Variants in C12orf54 observed in about 807,000 individuals in gnomAD.
The protein encoded by C12orf54 is chromosome 12 open reading frame 54.
A neutral mutation model predicts 26.4 loss-of-function variants in C12orf54; 24 were observed. The observed-to-expected ratio is 0.91, with a 90% confidence interval of 0.66 to 1.28. C12orf54 has a LOEUF of 1.28. C12orf54 is among the 50% of genes most tolerant of loss of function. The pLI is 0.00. For synonymous variants in C12orf54, 54 were observed against 47.0 expected, an observed-to-expected ratio of 1.15 and a Z score of -0.61; for missense variants, 154 against 150.9, an observed-to-expected ratio of 1.02 and a Z score of -0.11.
At chr12:48,449,487 C>G in the C12orf54 span, among the ~76,000 whole-genome samples, 1 of 152,076 alleles carries the variant, frequency 6.6e-6, no homozygotes, top group East Asian at 1.9e-4. Flanking sequence ...GTTTGTAGGC[C>G]ATGACTCCCC....
the C12orf54 span, among the ~76,000 whole-genome samples, chr12:48,457,548 G>A: frequency 6.6e-6 from 1 of 152,034 alleles, no homozygotes; most frequent in Non-Finnish European, 1.5e-5. Context: ...TGGTCAGGCT[G>A]GTCTCGAACT....
At chr12:48,480,844 C>T (rs1479122022), upstream of C12orf54, among the ~76,000 whole-genome samples, 1 of 152,092 alleles carries the variant, frequency 6.6e-6, no homozygotes, top group South Asian at 2.1e-4. Flanking sequence ...AAGTGTGGTA[C>T]ATTTCTCTTC....
At chr12:48,436,435 C>T in the C12orf54 span, among the ~76,000 whole-genome samples, 11 of 152,288 alleles carry the variant, frequency 7.2e-5, no homozygotes, top group African/African-American at 2.6e-4. Flanking sequence ...GAACTCTCCA[C>T]CCCAAATCAA....
chr12:48,471,071 TA>T, the C12orf54 span, among the ~76,000 whole-genome samples: 1 of 152,166 alleles, frequency 6.6e-6, no homozygotes, highest in Non-Finnish European at 1.5e-5. Flanking sequence ...TCATTCTTTT[TA>T]TTTTTTTGTA....
chr12:48,474,371 C>G, the C12orf54 span, among the ~76,000 whole-genome samples: 1 of 152,160 alleles, frequency 6.6e-6, no homozygotes, highest in Admixed American at 6.5e-5. Context: ...GTTCATCTCA[C>G]TGGGGAGTGC....
chr12:48,420,710 C>T, the C12orf54 span, among the ~76,000 whole-genome samples: 1 of 152,164 alleles, frequency 6.6e-6, no homozygotes, highest in Non-Finnish European at 1.5e-5. Flanking sequence ...ACTCCATTAA[C>T]CAACCTCTCT....
intron 4 of C12orf54, 64 bp downstream of exon 4, chr12:48,486,790 G>C: frequency 6.8e-7 from 1 of 1,473,552 alleles, no homozygotes; most frequent in Non-Finnish European, 9.5e-7. Context: ...AAGTCTTCAG[G>C]AAGGAGCACA....
chr12:48,464,364 C>T, the C12orf54 span, among the ~76,000 whole-genome samples: 1 of 151,956 alleles, frequency 6.6e-6, no homozygotes, highest in African/African-American at 2.4e-5. Context: ...TACAGCTAAC[C>T]AGGGAGGTGA....
intron 2 of C12orf54, among the ~76,000 whole-genome samples, chr12:48,483,991 C>A (rs1024006511): frequency 1.3e-5 from 2 of 152,070 alleles, no homozygotes; most frequent in Non-Finnish European, 2.9e-5. Context: ...GTTGGGAGTT[C>A]GAGATCAGCC....
chr12:48,462,439 GA>G, the C12orf54 span, among the ~76,000 whole-genome samples: 1 of 151,334 alleles, frequency 6.6e-6, no homozygotes, highest in South Asian at 2.1e-4. Context: ...GACATCATAA[GA>G]AAAAACCAGA....
At chr12:48,447,141 C>G in the C12orf54 span, among the ~76,000 whole-genome samples, 1 of 151,882 alleles carries the variant, frequency 6.6e-6, no homozygotes, top group Non-Finnish European at 1.5e-5. Flanking sequence ...TGTCTTCTTG[C>G]TACAAGTCTA....
chr12:48,449,884 G>A, the C12orf54 span, among the ~76,000 whole-genome samples: 1 of 152,058 alleles, frequency 6.6e-6, no homozygotes, highest in African/African-American at 2.4e-5. Context: ...TTGTGGGAGG[G>A]ACCCAGGGGG....
intron 5 of C12orf54, among the ~76,000 whole-genome samples, chr12:48,490,242 TA>T (rs1331322724): frequency 6.6e-6 from 1 of 152,234 alleles, no homozygotes; most frequent in African/African-American, 2.4e-5. Context: ...TGCTCCTATT[TA>T]TTCATTCACT....
chr12:48,486,556 GA>G (rs1954268951), intron 3 of C12orf54, 131 bp from the exon 4 acceptor site: 1 of 929,648 alleles, frequency 1.1e-6, no homozygotes, highest in South Asian at 1.6e-5. Flanking sequence ...GGCTGCCTGA[GA>G]AATGGGGTGA....
rs1325430783 is a variant in C12orf54 at position 48,492,640 on chromosome 12, G to C, written c.194-307G>C. On this transcript the variant is annotated intron_variant, in intron 6 of 8. Transcript: ENST00000548364. ...TTCCCACACAAAATAATGGAGATAA[G>C]AAGTGAACTACCAGGGACTTGTTCC... Among the ~76,000 whole-genome samples, 3 of 152,200 alleles carry C rather than the reference G, an allele frequency of 2.0e-5. No homozygotes were observed. The East Asian group carries it at 5.8e-4, about 29-fold the overall frequency.
At chr12:48,491,482 A>G (rs772882254) in intron 6 of C12orf54, among the ~76,000 whole-genome samples, 17 of 152,220 alleles carry the variant, frequency 1.1e-4, no homozygotes, top group Non-Finnish European at 2.4e-4. Flanking sequence ...CAGCACGTGG[A>G]CAGGGATGGA....
chr12:48,461,316 A>G, the C12orf54 span, among the ~76,000 whole-genome samples: 1 of 151,990 alleles, frequency 6.6e-6, no homozygotes, highest in Admixed American at 6.6e-5. Context: ...TACCCCTTCA[A>G]TAATTGATAC....
the C12orf54 span, among the ~76,000 whole-genome samples, chr12:48,475,729 A>G: frequency 6.6e-6 from 1 of 152,246 alleles, no homozygotes; most frequent in East Asian, 1.9e-4. Context: ...AAAGCCTCCA[A>G]GAAATATGGG....
At chr12:48,472,931 C>T in the C12orf54 span, 3 of 1,614,062 alleles carry the variant, frequency 1.9e-6, no homozygotes, top group Non-Finnish European at 2.5e-6. Context: ...AGTGTCCAAA[C>T]CTCATACATC....
Sources: gnomAD v4.1 joint callset for allele counts (sites outside exome capture counted in the v4.1 genomes callset) on GRCh38, gnomAD v4.1.1 for gene constraint, MANE v1.5 for transcripts, NCBI Gene and HGNC (gene_info 2026-07-23, HGNC 2026-07-21) for gene names.